The following UNK variants were observed in gnomAD, a reference collection of about 807,000 sequenced individuals.
The protein encoded by UNK is RING finger protein unkempt homolog.
UNK carries 32 observed loss-of-function variants against 97.6 expected under a neutral mutation model. The ratio of observed to expected loss-of-function variants is 0.33; its 90% CI spans 0.25 to 0.44. The LOEUF is 0.44. Among genes scored for constraint, UNK ranks in the 20% least tolerant of loss-of-function variants. The pLI is 1.00. For missense variants in UNK, 771 were observed against 1,098.4 expected (o/e 0.70, Z 4.21); for synonymous variants, 441 against 461.2 (o/e 0.96, Z 0.56).
chr17:75,816,572 G>T lies in UNK; in HGVS notation c.962-198G>T, dbSNP rs2062017641. Among the ~76,000 whole-genome samples the T allele has an allele frequency of 6.6e-6, 1 of 152,210 alleles. No homozygotes were observed. On this transcript the variant is annotated intron_variant, in intron 7 of 15. Transcript: ENST00000589666. This position sits in a 1 kb window ranked among gnomAD's most constrained non-coding sequence, Gnocchi z 4.0. Reference sequence around the variant, plus strand: ...ACTGGTATCTTCTGGTCACCATGAAGATTCACAATTACTGCAAAGTGCTGG... The same window carrying T: ...ACTGGTATCTTCTGGTCACCATGAATATTCACAATTACTGCAAAGTGCTGG...
intron 1 of UNK, among the ~76,000 whole-genome samples, chr17:75,801,725 A>G (rs1278239638): frequency 6.6e-6 from 1 of 151,878 alleles, no homozygotes; most frequent in East Asian, 1.9e-4. Flanking sequence ...TTGTATTTTT[A>G]GTAGAGACGG....
chr17:75,789,944 C>T (rs568483266), intron 1 of UNK, among the ~76,000 whole-genome samples: 29 of 151,804 alleles, frequency 1.9e-4, no homozygotes, highest in African/African-American at 5.8e-4. Flanking sequence ...AGTTCGAGAC[C>T]AGCCTGGCCA....
chr17:75,795,483 G>A (rs2061797773), intron 1 of UNK, among the ~76,000 whole-genome samples: 1 of 152,048 alleles, frequency 6.6e-6, no homozygotes, highest in African/African-American at 2.4e-5. Flanking sequence ...GAGATTACAG[G>A]CACGCGCCAC....
intron 4 of UNK, 41 bp downstream of exon 4, chr17:75,812,626 C>T (rs983952518): frequency 3.1e-6 from 5 of 1,590,530 alleles, no homozygotes; most frequent in Non-Finnish European, 4.3e-6. Context: ...CCCTATAATC[C>T]TGCTCATAGC....
chr17:75,817,521 T>C lies in UNK; in HGVS notation c.1300T>C (p.Cys434Arg). ...VGAEYLKNFK[C>R]QAKLKPHSLE... The stretch of plus-strand genomic sequence containing the variant: ...AGCCGAGTACCTGAAAAATTTCAAA[T>C]GCCAGGTAAGGGATGAGGGAGGCAG... The change falls in exon 9 of 16, where the codon TGC (cysteine) becomes CGC (arginine). Residue 434 changes from cysteine (C) to arginine (R), a missense_variant. Physicochemically the swap from Cys to Arg is radical, Grantham distance 180. This residue lies in a region of UNK where 192 missense variants were observed against 202.4 expected (regional missense o/e 0.95). Transcript: ENST00000589666. The surrounding 1 kb of genome is among the most constrained non-coding windows in gnomAD (Gnocchi z 5.8). The C allele has an allele frequency of 6.2e-7, 1 of 1,607,348 alleles. No homozygotes were observed. Among genetic ancestry groups the C allele is most frequent in the Non-Finnish European group, 8.5e-7 (1 of 1,176,178 alleles).
chr17:75,785,174 G>T, intron 1 of UNK, 190 bp downstream of exon 1: 2 of 518,512 alleles, frequency 3.9e-6, no homozygotes, highest in Non-Finnish European at 6.7e-6. Flanking sequence ...CTCTGGTCGG[G>T]CTGTGGGGCG....
chr17:75,823,118 C>T (rs1448244250), intron 14 of UNK, 147 bp from the exon 15 acceptor site: 1 of 1,306,708 alleles, frequency 7.7e-7, no homozygotes, highest in Non-Finnish European at 1.0e-6. Flanking sequence ...GTGCAGACAG[C>T]ATCAGCCTCC....
chr17:75,799,075 A>C (rs557022367), intron 1 of UNK, among the ~76,000 whole-genome samples: 425 of 151,808 alleles, frequency 2.8e-3, no homozygotes, highest in Non-Finnish European at 3.5e-3. Flanking sequence ...CAAAAACAAA[A>C]AAAAAAAAGA....
chr17:75,785,005 CCCG>C, intron 1 of UNK, 21 bp downstream of exon 1: 1 of 1,393,818 alleles, frequency 7.2e-7, no homozygotes, highest in Non-Finnish European at 9.4e-7. Context: ...CCCCCCCCCC[CCCG>C]CCGCGCGCGC....
chr17:75,786,110 T>C (rs2125345), intron 1 of UNK, among the ~76,000 whole-genome samples: 70,916 of 152,126 alleles, frequency 0.47, 21,313 homozygotes, highest in African/African-American at 0.86. Flanking sequence ...GTGGGATTCT[T>C]TGTTGTTGGC....
chr17:75,812,045 A>AG, intron 2 of UNK, 67 bp from the exon 3 acceptor site: 1 of 1,502,418 alleles, frequency 6.7e-7, no homozygotes, highest in Non-Finnish European at 9.0e-7. Flanking sequence ...GGGTAAGGGC[A>AG]GGGGGTAGGC....
chr17:75,822,498 G>C lies in UNK; in HGVS notation c.1859G>C (p.Ser620Thr). Residue 620 changes from serine (S) to threonine (T), a missense_variant, in exon 14 of 16, where the codon AGC becomes ACC. Coordinates refer to ENST00000589666, the MANE Select transcript of UNK (RefSeq NM_001080419.3). The part of the protein sequence containing the change: ...GSLGLNGMNS[S>T]IWEHFASGSF... ...GCAGGTCTGAACGGGATGAACAGCA[G>C]CATCTGGGAGCATTTTGCCTCTGGA... The C allele has an allele frequency of 6.2e-7, 1 of 1,613,308 alleles. No individual in the cohort carries two copies. The highest frequency in any genetic ancestry group is 8.5e-7 in the Non-Finnish European group (1 of 1,179,646).
intron 1 of UNK, among the ~76,000 whole-genome samples, chr17:75,808,385 C>T (rs957073329): frequency 2.6e-5 from 4 of 152,132 alleles, no homozygotes; most frequent in Admixed American, 6.5e-5. Context: ...GAGATGAGGC[C>T]CTTGAAATTT....
chr17:75,786,403 C>T (rs1035300881), intron 1 of UNK, among the ~76,000 whole-genome samples: 3 of 152,190 alleles, frequency 2.0e-5, no homozygotes, highest in African/African-American at 7.2e-5. Flanking sequence ...AGAGTCTTGG[C>T]TTCAGCAACT....
rs779956229 is a variant in UNK, at chr17:75,823,520, A to G, written c.2275A>G (p.Lys759Glu). ...GCGGGCCCACCTGGAACAAGTGGAC[A>G]AGGTCAGCCCAGGTCGGGGAGCACT... is the stretch of plus-strand genomic sequence containing the variant. ...QLRAHLEQVD[K>E]AVFHMQSVKC... is the part of the protein sequence containing the mutation. Residue 759 changes from lysine to glutamate, a missense_variant and splice_region_variant, in exon 15 of 16, where the codon AAG becomes GAG. Around this residue, in one of 5 missense-constraint regions of UNK, gnomAD observed 208 missense variants for 257.4 expected, o/e 0.81. Transcript: ENST00000589666. 1.9e-6 allele frequency: 3 copies of G among 1,556,020 alleles called. No homozygotes were observed. The highest frequency in any genetic ancestry group is 2.6e-6 in the Non-Finnish European group (3 of 1,144,698).
intron 1 of UNK, among the ~76,000 whole-genome samples, chr17:75,808,658 T>G (rs779979680): frequency 5.9e-4 from 90 of 152,156 alleles, no homozygotes; most frequent in Non-Finnish European, 1.0e-3. Context: ...CCTTCATGCT[T>G]CTTTCTGCAG....
intron 1 of UNK, among the ~76,000 whole-genome samples, chr17:75,803,543 A>G (rs1421644936): frequency 6.6e-6 from 1 of 152,242 alleles, no homozygotes; most frequent in Non-Finnish European, 1.5e-5. Flanking sequence ...CAGCGGAAGA[A>G]TAATTGGACA....
Position 75,788,284 on chromosome 17 carries a change from A to G in UNK, c.104+3300A>G, listed in dbSNP as rs536454399. Among the ~76,000 whole-genome samples the G allele has an allele frequency of 1.6e-4, 25 of 151,964 alleles. No homozygotes were observed. In the South Asian group the frequency reaches 4.4e-3, roughly 27 times the overall value. On this transcript the variant is annotated intron_variant, in intron 1 of 15. Transcript: ENST00000589666. ...AACCTCCACCTCCCGGGTTTAAGCA[A>G]TTCTCCTGCTTCAGCTTCCTAAGTA...
chr17:75,785,038 A>G, intron 1 of UNK, 54 bp downstream of exon 1: 1 of 1,160,600 alleles, frequency 8.6e-7, no homozygotes, highest in Non-Finnish European at 1.1e-6. Context: ...GTCAGCGGCC[A>G]GCGTGAGTCA....
Sources: gnomAD v4.1 joint callset for allele counts (sites outside exome capture counted in the v4.1 genomes callset) on GRCh38, gnomAD v4.1.1 for gene constraint, gnomAD v4.1.1 regional missense constraint, Gnocchi (gnomAD v3.1) non-coding constraint, MANE v1.5 for transcripts, NCBI Gene and HGNC (gene_info 2026-07-23, HGNC 2026-07-21) for gene names.